The following SCFD2 variants were observed in gnomAD, a reference collection of about 807,000 sequenced individuals.
SCFD2 encodes the protein sec1 family domain containing 2, also known as sec1 family domain-containing protein 2.
A neutral mutation model predicts 58.9 loss-of-function variants in SCFD2; 54 were observed. The ratio of observed to expected loss-of-function variants is 0.92; its 90% confidence interval spans 0.74 to 1.15. SCFD2 has a LOEUF of 1.15. Among genes scored for constraint, SCFD2 ranks in the 50% most tolerant of loss-of-function variants. The probability of loss-of-function intolerance (pLI) is 0.00; values close to 1 mark genes in which losing one functional copy is unlikely to be tolerated. For synonymous variants in SCFD2, 321 were observed against 335.9 expected (o/e 0.96, Z 0.49); for missense variants, 805 against 836.6 (o/e 0.96, Z 0.47).
At chr4:53,180,657 A>G (rs1727518454) in intron 4 of SCFD2, among the ~76,000 whole-genome samples, 1 of 152,252 alleles carries the variant, frequency 6.6e-6, no homozygotes, top group Non-Finnish European at 1.5e-5. Flanking sequence ...AGATCAGAGT[A>G]GAACTGAAGG....
At chr4:52,903,217 T>C (rs184398664) in intron 7 of SCFD2, among the ~76,000 whole-genome samples, 2 of 152,332 alleles carry the variant, frequency 1.3e-5, no homozygotes, top group East Asian at 3.9e-4. Context: ...ATCAGATTTC[T>C]TTGACAGAGG....
intron 3 of SCFD2, among the ~76,000 whole-genome samples, chr4:53,298,949 CA>C: frequency 6.6e-6 from 1 of 152,254 alleles, no homozygotes; most frequent in African/African-American, 2.4e-5. Flanking sequence ...ATCTGTACGT[CA>C]ACATCATCAA....
intron 5 of SCFD2, among the ~76,000 whole-genome samples, chr4:53,032,382 T>A (rs1722636591): frequency 6.6e-6 from 1 of 152,138 alleles, no homozygotes; most frequent in South Asian, 2.1e-4. Context: ...ATGCATCAAG[T>A]AATGGACAAA....
In SCFD2 at chr4:53,143,795, T is replaced by C. The variant is rs62325004; in HGVS notation, c.1561+1538A>G. ...GAAGAAGTCTTCATACACCTAAACATACACACACACACACACACACACACA... is the reference window on the plus strand; with the variant it reads ...GAAGAAGTCTTCATACACCTAAACACACACACACACACACACACACACACA... On this transcript the variant is annotated intron_variant, in intron 5 of 8. Transcript: ENST00000401642. 7.5e-5 allele frequency among the ~76,000 whole-genome samples: 11 copies of C among 146,654 alleles called. No individual in the cohort carries two copies. In the South Asian group the frequency reaches 8.9e-4, roughly 12 times the overall value.
At chr4:53,228,479 T>A (rs1383505768) in intron 4 of SCFD2, among the ~76,000 whole-genome samples, 2 of 152,204 alleles carry the variant, frequency 1.3e-5, no homozygotes, top group East Asian at 3.8e-4. Context: ...ACCTCTTTTA[T>A]GAGTTTGATG....
At chr4:53,038,857 T>A (rs1722827819) in intron 5 of SCFD2, among the ~76,000 whole-genome samples, 1 of 152,058 alleles carries the variant, frequency 6.6e-6, no homozygotes, top group African/African-American at 2.4e-5. Context: ...CCCAGCTAAT[T>A]ATTTTTTTTC....
chr4:52,902,645 G>A (rs28564509), intron 7 of SCFD2, among the ~76,000 whole-genome samples: 7,397 of 152,222 alleles, frequency 0.049, 211 homozygotes, highest in South Asian at 0.13. Context: ...AAATACTTAC[G>A]TAGTACTTAC....
intron 5 of SCFD2, among the ~76,000 whole-genome samples, chr4:52,925,621 C>T (rs138605317): frequency 7.5e-4 from 114 of 152,270 alleles, no homozygotes; most frequent in African/African-American, 2.0e-3. Context: ...TTCTAATAAG[C>T]CCCTGACAGG....
intron 4 of SCFD2, among the ~76,000 whole-genome samples, chr4:53,193,626 G>C (rs990405220): frequency 6.6e-6 from 1 of 152,136 alleles, no homozygotes; most frequent in African/African-American, 2.4e-5. Flanking sequence ...GGGAACTTTT[G>C]AGACTAAACA....
At chr4:52,893,309 G>A (rs573208425) in intron 7 of SCFD2, among the ~76,000 whole-genome samples, 32 of 151,318 alleles carry the variant, frequency 2.1e-4, no homozygotes, top group African/African-American at 7.3e-4. Flanking sequence ...GGGCTCAAGC[G>A]ATCCTCCTGC....
intron 4 of SCFD2, among the ~76,000 whole-genome samples, chr4:53,213,018 G>A (rs1203573245): frequency 6.6e-6 from 1 of 152,066 alleles, no homozygotes; most frequent in East Asian, 1.9e-4. Flanking sequence ...TGTTCTAGAT[G>A]TTAAAATATG....
At chr4:53,303,354 C>T (rs1157010975) in intron 3 of SCFD2, among the ~76,000 whole-genome samples, 1 of 152,176 alleles carries the variant, frequency 6.6e-6, no homozygotes, top group African/African-American at 2.4e-5. Context: ...TGAAAAAATG[C>T]TCATCATCAC....
intron 2 of SCFD2, among the ~76,000 whole-genome samples, chr4:53,337,658 C>G (rs1156272402): frequency 1.3e-5 from 2 of 152,158 alleles, no homozygotes; most frequent in Admixed American, 6.5e-5. Flanking sequence ...AAAAACTGGA[C>G]ACAGCCTAGG....
chr4:53,249,924 T>C (rs1270608594), intron 4 of SCFD2, among the ~76,000 whole-genome samples: 4 of 152,194 alleles, frequency 2.6e-5, no homozygotes, highest in African/African-American at 9.6e-5. Flanking sequence ...AACATCATAA[T>C]GACAGGATCA....
At chr4:52,876,207 A>G (rs1718470569) in intron 8 of SCFD2, among the ~76,000 whole-genome samples, 1 of 152,116 alleles carries the variant, frequency 6.6e-6, no homozygotes, top group East Asian at 1.9e-4. Flanking sequence ...CAGAAGGAAA[A>G]TAACAGTGCC....
intron 3 of SCFD2, among the ~76,000 whole-genome samples, chr4:53,307,227 G>A (rs1207690542): frequency 1.3e-5 from 2 of 152,194 alleles, no homozygotes. Context: ...AGGGAAATAG[G>A]TAATAGAGAG....
At chr4:53,107,357 A>G (rs1377221065) in intron 5 of SCFD2, among the ~76,000 whole-genome samples, 1 of 152,228 alleles carries the variant, frequency 6.6e-6, no homozygotes. Flanking sequence ...TAATGACAGG[A>G]TTAAATTCAC....
intron 6 of SCFD2, among the ~76,000 whole-genome samples, chr4:52,908,154 G>C (rs1284621923): frequency 6.6e-6 from 1 of 152,236 alleles, no homozygotes; most frequent in Admixed American, 6.5e-5. Flanking sequence ...AGGTCAGAAA[G>C]CAGACTACAT....
chr4:53,060,297 G>A (rs991552553), intron 5 of SCFD2, among the ~76,000 whole-genome samples: 1 of 144,362 alleles, frequency 6.9e-6, no homozygotes, highest in Non-Finnish European at 1.5e-5. Flanking sequence ...AGGTAACTGG[G>A]CTGGGGTAGG....
Sources: allele counts gnomAD v4.1 joint callset (sites outside exome capture counted in the v4.1 genomes callset), GRCh38; gene constraint gnomAD v4.1.1; transcripts MANE v1.5; gene names NCBI Gene and HGNC (gene_info 2026-07-23, HGNC 2026-07-21).